The following DLGAP1 variants were observed in gnomAD, a reference collection of about 807,000 sequenced individuals.
The protein encoded by DLGAP1 is disks large-associated protein 1.
DLGAP1 carries 11 observed loss-of-function variants against 90.8 expected under a neutral mutation model. That is an observed-to-expected ratio of 0.12 (90% CI 0.08 to 0.20). The LOEUF is 0.20. Ranked by LOEUF, DLGAP1 falls within the 10% of genes least tolerant of loss-of-function variation. The probability of loss-of-function intolerance (pLI) is 1.00; values close to 1 mark genes in which losing one functional copy is unlikely to be tolerated. For missense variants in DLGAP1, 1,050 were observed against 1,333.8 expected (o/e 0.79, Z 3.31); for synonymous variants, 558 against 540.7 (o/e 1.03, Z -0.44).
intron 2 of DLGAP1, among the ~76,000 whole-genome samples, chr18:4,055,400 C>A (rs1490515531): frequency 6.6e-6 from 1 of 152,154 alleles, no homozygotes; most frequent in African/African-American, 2.4e-5. Context: ...AAGCACAGAA[C>A]CTGATAGGTA....
At chr18:3,937,125 T>G (rs75623602) in intron 3 of DLGAP1, among the ~76,000 whole-genome samples, 2,302 of 152,336 alleles carry the variant, frequency 0.015, 50 homozygotes, top group African/African-American at 0.047. Context: ...AGGAGATTGC[T>G]GTACACCTCA....
chr18:3,593,195 CCTT>C (rs2056380259), intron 7 of DLGAP1, among the ~76,000 whole-genome samples: 1 of 152,162 alleles, frequency 6.6e-6, no homozygotes, highest in African/African-American at 2.4e-5. Flanking sequence ...ACGAGGGACT[CCTT>C]CGTGCACAGC....
At chr18:4,428,464 C>A (rs2083205416) in intron 1 of DLGAP1, among the ~76,000 whole-genome samples, 1 of 152,120 alleles carries the variant, frequency 6.6e-6, no homozygotes, top group Admixed American at 6.5e-5. Flanking sequence ...CACCTGTAAT[C>A]CCAGCTACTT....
intron 7 of DLGAP1, among the ~76,000 whole-genome samples, chr18:3,666,960 G>T (rs2059906442): frequency 1.3e-5 from 2 of 152,104 alleles, no homozygotes; most frequent in Non-Finnish European, 2.9e-5. Flanking sequence ...TTGTTTTAGA[G>T]ATGAGGTCTC....
chr18:3,820,719 A>T (rs1420227037), intron 4 of DLGAP1, among the ~76,000 whole-genome samples: 1 of 152,214 alleles, frequency 6.6e-6, no homozygotes, highest in Non-Finnish European at 1.5e-5. Context: ...TCTGACAATT[A>T]TGGAATAATC....
At chr18:4,257,487 CTT>C (rs1198732993) in intron 1 of DLGAP1, among the ~76,000 whole-genome samples, 1 of 152,296 alleles carries the variant, frequency 6.6e-6, no homozygotes, top group African/African-American at 2.4e-5. Context: ...GTAACAAAAA[CTT>C]ATTTTAAAAA....
At chr18:3,872,334 A>G (rs1170195193) in intron 4 of DLGAP1, among the ~76,000 whole-genome samples, 1 of 152,056 alleles carries the variant, frequency 6.6e-6, no homozygotes, top group Non-Finnish European at 1.5e-5. Flanking sequence ...TCTCTGTGTA[A>G]CAGTAATTAA....
At chr18:4,200,700 A>G (rs1469758754) in intron 1 of DLGAP1, among the ~76,000 whole-genome samples, 1 of 152,124 alleles carries the variant, frequency 6.6e-6, no homozygotes, top group African/African-American at 2.4e-5. Context: ...AAGCACCATT[A>G]TCATACATTT....
intron 1 of DLGAP1, among the ~76,000 whole-genome samples, chr18:4,292,251 A>T (rs914595269): frequency 6.6e-6 from 1 of 152,174 alleles, no homozygotes; most frequent in East Asian, 1.9e-4. Flanking sequence ...GTTTACAAAA[A>T]AATTCCACTT....
chr18:4,359,039 G>A (rs945710653), intron 1 of DLGAP1, among the ~76,000 whole-genome samples: 1 of 152,176 alleles, frequency 6.6e-6, no homozygotes, highest in African/African-American at 2.4e-5. Flanking sequence ...AGGAAGCTTG[G>A]ATGTTTTTCT....
intron 1 of DLGAP1, among the ~76,000 whole-genome samples, chr18:4,181,911 G>A (rs1460983195): frequency 1.3e-5 from 2 of 152,100 alleles, no homozygotes; most frequent in Non-Finnish European, 2.9e-5. Flanking sequence ...AGAAACACCA[G>A]TAGCAACATA....
At chr18:3,576,008 T>A (rs561098952) in intron 8 of DLGAP1, among the ~76,000 whole-genome samples, 1 of 152,332 alleles carries the variant, frequency 6.6e-6, no homozygotes, top group East Asian at 1.9e-4. Context: ...TTATTTATTA[T>A]ATCAGACAAA....
intron 7 of DLGAP1, among the ~76,000 whole-genome samples, chr18:3,673,656 C>T (rs113488877): frequency 0.021 from 3,183 of 151,962 alleles, 116 homozygotes; most frequent in African/African-American, 0.073. Context: ...AAGCTATTCT[C>T]CTGCCTCAGC....
At chr18:4,036,114 G>A (rs1383047041) in intron 2 of DLGAP1, among the ~76,000 whole-genome samples, 1 of 152,118 alleles carries the variant, frequency 6.6e-6, no homozygotes, top group African/African-American at 2.4e-5. Context: ...CCATTTGCAA[G>A]TTCTATGACA....
chr18:3,809,196 G>A (rs1010995953), intron 5 of DLGAP1, among the ~76,000 whole-genome samples: 21 of 152,206 alleles, frequency 1.4e-4, no homozygotes, highest in African/African-American at 4.8e-4. Context: ...CATCAATGCT[G>A]GGATTGGCTA....
intron 7 of DLGAP1, among the ~76,000 whole-genome samples, chr18:3,602,621 G>C (rs992070593): frequency 8.0e-6 from 1 of 125,542 alleles, no homozygotes; most frequent in African/African-American, 3.0e-5. Flanking sequence ...AAAAAACAAA[G>C]AAACTTGTGT....
intron 6 of DLGAP1, among the ~76,000 whole-genome samples, chr18:3,737,091 T>C (rs1252936538): frequency 1.4e-5 from 2 of 147,938 alleles, no homozygotes; most frequent in Non-Finnish European, 3.0e-5. Context: ...AATCTCTGAA[T>C]AGACCAATAA....
At chr18:3,600,755 TAG>T (rs1568277779) in intron 7 of DLGAP1, among the ~76,000 whole-genome samples, 8 of 29,058 alleles carry the variant, frequency 2.8e-4, no homozygotes, top group South Asian at 1.8e-3. Flanking sequence ...TAGATATATA[TAG>T]ATATATAGAT....
intron 5 of DLGAP1, among the ~76,000 whole-genome samples, chr18:3,746,170 AC>A (rs1286260729): frequency 5.9e-5 from 9 of 152,278 alleles, no homozygotes; most frequent in Middle Eastern, 6.8e-3. Flanking sequence ...ATGGAGTTAG[AC>A]CTTTTTTGCC....
Sources: allele counts gnomAD v4.1 joint callset (sites outside exome capture counted in the v4.1 genomes callset), GRCh38; gene constraint gnomAD v4.1.1; transcripts MANE v1.5; gene names NCBI Gene and HGNC (gene_info 2026-07-23, HGNC 2026-07-21).